Variants in RPS6KA6 observed in about 807,000 individuals in gnomAD.
The protein encoded by RPS6KA6 is ribosomal protein S6 kinase A6.
In RPS6KA6, 27 loss-of-function variants were observed where a neutral mutation model predicts 65.4. The ratio of observed to expected loss-of-function variants is 0.41; its 90% CI spans 0.30 to 0.57. The LOEUF is 0.57. RPS6KA6 is among the 20% of genes least tolerant of loss of function. The probability of loss-of-function intolerance (pLI) is 0.24; values close to 1 mark genes in which losing one functional copy is unlikely to be tolerated. For synonymous variants in RPS6KA6, 190 were observed against 184.2 expected (o/e 1.03, Z -0.26); for missense variants, 486 against 555.6 (o/e 0.87, Z 1.26).
rs140754718 is a variant in RPS6KA6 at position 84,181,029 on chromosome X, C to T, written c.81+6790G>A. Among the ~76,000 whole-genome samples, 977 of 111,470 alleles carry T rather than the reference C, an allele frequency of 8.8e-3. 16 individuals are homozygous for T. Among genetic ancestry groups the T allele is most frequent in the African/African-American group, 0.031 (943 of 30,751 alleles). ...TGGTACATAGTTCATGCTCAATAAA[C>T]GCTATTATCTCTTTCTCCCTTAAGA... is the stretch of plus-strand genomic sequence containing the variant. On this transcript the variant is annotated intron_variant, in intron 1 of 21. Coordinates refer to ENST00000262752, the MANE Select transcript of RPS6KA6 (RefSeq NM_014496.5).
At position 84,060,200 on chromosome X, in the gene RPS6KA6, T is replaced by C. The variant is rs1412413959; in HGVS notation, c.*4077A>G. ...GCCCACTATTGATTTATTCTGCTAA[T>C]TTCAACAATCATTGATCTTGAGGTA... On this transcript the variant is annotated 3_prime_UTR_variant, in exon 22 of 22. Transcript: ENST00000262752. 9.0e-6 allele frequency: 1 copy of C among 111,731 alleles called. No homozygotes were observed. The highest frequency in any genetic ancestry group is 3.2e-5 in the African/African-American group (1 of 30,815). 9.2% of individuals were successfully genotyped at this position (111,731 alleles called of 1,213,427 possible). A position where few individuals can be genotyped will look rare whatever the true frequency, so the allele number is the denominator to read the frequency against.
rs898044600 is a variant in RPS6KA6 at position 84,062,242 on chromosome X, T to C, written c.*2035A>G. ...GTCTACTTTTTAAAGCCATTGATTA[T>C]AGAAAACCTGAAAGTTATTTTGTAA... is the stretch of plus-strand genomic sequence containing the variant. On this transcript the variant is annotated 3_prime_UTR_variant, in exon 22 of 22. Transcript: ENST00000262752. 9.0e-6 allele frequency: 1 copy of C among 111,681 alleles called. No individual in the cohort carries two copies. The highest frequency in any genetic ancestry group is 3.7e-4 in the South Asian group (1 of 2,716). 9.2% of individuals were successfully genotyped at this position (111,681 alleles called of 1,213,427 possible).
At chrX:84,187,795 G>A (rs1416007002) in intron 1 of RPS6KA6, 24 bp downstream of exon 1, 1 of 1,187,476 alleles carries the variant, frequency 8.4e-7, no homozygotes, top group Admixed American at 2.2e-5. Context: ...GTTGGCTCCA[G>A]CCCGTCTTGG....
chrX:84,077,196 C>T (rs2033679528), intron 20 of RPS6KA6, among the ~76,000 whole-genome samples: 1 of 111,334 alleles, frequency 9.0e-6, no homozygotes, highest in South Asian at 3.8e-4. Flanking sequence ...ATCACCATCT[C>T]ATTCAAAATC....
chrX:84,143,341 GA>G (rs2147536980), intron 6 of RPS6KA6, among the ~76,000 whole-genome samples: 1 of 111,282 alleles, frequency 9.0e-6, no homozygotes, highest in South Asian at 3.7e-4. Flanking sequence ...AAAGCTGCTA[GA>G]AGTATTAAGT....
At chrX:84,141,375 C>A (rs2035099448) in intron 6 of RPS6KA6, among the ~76,000 whole-genome samples, 1 of 105,772 alleles carries the variant, frequency 9.5e-6, no homozygotes. Context: ...TGGATAATAT[C>A]TACAAGACAA....
In RPS6KA6 at chrX:84,147,074, A is replaced by G. The variant is rs376074827; in HGVS notation, c.341-16T>C. On this transcript the variant is annotated splice_polypyrimidine_tract_variant and intron_variant, in intron 4 of 21. Transcript: ENST00000262752. ...CTGTCTCGAACTAAAAATTACATAA[A>G]GGTACAATATATTGCTCTCTTACAT... 1 of 981,322 alleles carries G rather than the reference A, an allele frequency of 1.0e-6. No homozygotes were observed. The highest frequency in any genetic ancestry group is 1.4e-6 in the Non-Finnish European group (1 of 694,741). 80.9% of individuals were successfully genotyped at this position (981,322 alleles called of 1,213,427 possible).
intron 8 of RPS6KA6, among the ~76,000 whole-genome samples, chrX:84,122,315 T>C (rs2034686449): frequency 9.3e-6 from 1 of 107,287 alleles, no homozygotes; most frequent in Non-Finnish European, 1.9e-5. Flanking sequence ...CATGCTGGCC[T>C]CAGCCAGCAC....
chrX:84,082,247 G>A lies in RPS6KA6; in HGVS notation c.1971+13947C>T, dbSNP rs186655118. 2.5e-3 allele frequency among the ~76,000 whole-genome samples: 278 copies of A among 111,841 alleles called. 1 individual carries two copies. Among genetic ancestry groups the A allele is most frequent in the African/African-American group, 8.8e-3 (270 of 30,803 alleles). Reference sequence around the variant, plus strand: ...TAAGCTGATAAGCAACTTCAGCAACGCCTCAGGATACAAAATCAGTGTGCA... The same window carrying A: ...TAAGCTGATAAGCAACTTCAGCAACACCTCAGGATACAAAATCAGTGTGCA... On this transcript the variant is annotated intron_variant, in intron 20 of 21. Coordinates refer to ENST00000262752, the MANE Select transcript of RPS6KA6 (RefSeq NM_014496.5).
In RPS6KA6 at chrX:84,187,929, T is replaced by A. The variant is rs1475007071; in HGVS notation, c.-30A>T. 8.7e-7 allele frequency: 1 copy of A among 1,143,055 alleles called. No homozygotes were observed. Among genetic ancestry groups the A allele is most frequent in the South Asian group, 1.9e-5 (1 of 51,464 alleles). The allele number at this position is 1,143,055 out of a possible 1,213,427, so 94.2% of individuals were successfully genotyped here. On this transcript the variant is annotated 5_prime_UTR_variant, in exon 1 of 22. Transcript: ENST00000262752. ...CCTTCAGGAGCACTCAAACAGGAGC[T>A]GCCGCCTACCGCTGGCGCGGCCGCG... is the stretch of plus-strand genomic sequence containing the variant.
chrX:84,108,895 T>A (rs774835023), intron 12 of RPS6KA6, among the ~76,000 whole-genome samples: 4 of 111,962 alleles, frequency 3.6e-5, no homozygotes, highest in Non-Finnish European at 7.5e-5. Flanking sequence ...TCTCAGCTGT[T>A]CCCTTCTAAA....
At chrX:84,093,115 T>C (rs1419721722) in intron 20 of RPS6KA6, among the ~76,000 whole-genome samples, 1 of 112,158 alleles carries the variant, frequency 8.9e-6, no homozygotes, top group African/African-American at 3.2e-5. Context: ...GTCACTTATA[T>C]GTGGAATCTA....
At chrX:84,126,855 G>A (rs2147493382) in intron 8 of RPS6KA6, among the ~76,000 whole-genome samples, 1 of 110,169 alleles carries the variant, frequency 9.1e-6, no homozygotes, top group Non-Finnish European at 1.9e-5. Flanking sequence ...GCAGTACTAA[G>A]ATGGAAATTT....
rs909397197 is a variant in RPS6KA6 at position 84,063,173 on chromosome X, AGTTT to A, written c.*1100_*1103del. 5 of 111,522 alleles carry A rather than the reference AGTTT, an allele frequency of 4.5e-5. No homozygotes were observed. Among genetic ancestry groups the A allele is most frequent in the Admixed American group, 3.8e-4 (4 of 10,419 alleles). 9.2% of individuals were successfully genotyped at this position (111,522 alleles called of 1,213,427 possible). ...TAATATTATTCATATTTAAAATGTT[AGTTT>A]ATCTTCATGAAGTAAAATGATTAAG... is the stretch of plus-strand genomic sequence containing the variant. On this transcript the variant is annotated 3_prime_UTR_variant, in exon 22 of 22. Coordinates refer to ENST00000262752, the MANE Select transcript of RPS6KA6 (RefSeq NM_014496.5).
intron 20 of RPS6KA6, among the ~76,000 whole-genome samples, chrX:84,081,727 C>T (rs2033804289): frequency 8.9e-6 from 1 of 111,850 alleles, no homozygotes; most frequent in African/African-American, 3.3e-5. Flanking sequence ...TCCAGCAGCA[C>T]ATCAAAAAGC....
intron 3 of RPS6KA6, among the ~76,000 whole-genome samples, chrX:84,152,758 C>A (rs191617552): frequency 9.0e-6 from 1 of 111,184 alleles, no homozygotes; most frequent in Non-Finnish European, 1.9e-5. Context: ...GATACAAGTA[C>A]GCCATGGACT....
In RPS6KA6 at chrX:84,135,326, C is replaced by A. The variant is rs1402022968; in HGVS notation, c.502-116G>T. ...TCTAGGAAAATAATAAGATAATAAG[C>A]ACAGTCAATTCTTATTTGACTGGCA... is the stretch of plus-strand genomic sequence containing the variant. On this transcript the variant is annotated intron_variant, in intron 6 of 21. Transcript: ENST00000262752. 5.6e-5 allele frequency: 26 copies of A among 460,535 alleles called. No individual in the cohort carries two copies. The East Asian group carries it at 1.0e-3, about 18-fold the overall frequency. 38.0% of individuals were successfully genotyped at this position (460,535 alleles called of 1,213,427 possible).
intron 12 of RPS6KA6, among the ~76,000 whole-genome samples, chrX:84,109,097 G>A (rs1324749509): frequency 8.9e-6 from 1 of 112,069 alleles, no homozygotes; most frequent in Non-Finnish European, 1.9e-5. Context: ...AGACAGTGGG[G>A]AAACTGGGCA....
intron 1 of RPS6KA6, among the ~76,000 whole-genome samples, chrX:84,178,708 A>G (rs1351165384): frequency 9.0e-6 from 1 of 111,527 alleles, no homozygotes; most frequent in Non-Finnish European, 1.9e-5. Flanking sequence ...AAATGGTGGC[A>G]GAGCAACTGG....
Sources: gnomAD v4.1 joint callset for allele counts (sites outside exome capture counted in the v4.1 genomes callset) on GRCh38, gnomAD v4.1.1 for gene constraint, MANE v1.5 for transcripts, NCBI Gene and HGNC (gene_info 2026-07-23, HGNC 2026-07-21) for gene names.